The following MCRS1 variants were observed in gnomAD, a reference collection of about 807,000 sequenced individuals.
MCRS1 encodes the protein microspherule protein 1.
MCRS1 carries 22 observed loss-of-function variants against 62.9 expected under a neutral mutation model. That is an observed-to-expected ratio of 0.35 (90% CI 0.25 to 0.50). The LOEUF is 0.50. MCRS1 is among the 20% of genes least tolerant of loss of function. The pLI is 0.98. For missense variants in MCRS1, 456 were observed against 601.1 expected (o/e 0.76, Z 2.52); for synonymous variants, 244 against 233.5 (o/e 1.04, Z -0.41).
At position 49,563,037 on chromosome 12, in the gene MCRS1, G is replaced by C; in HGVS notation, c.769C>G (p.Leu257Val). 3.8e-6 allele frequency: 6 copies of C among 1,590,020 alleles called. No homozygotes were observed. Among genetic ancestry groups the C allele is most frequent in the Non-Finnish European group, 5.1e-6 (6 of 1,166,190 alleles). The change falls in exon 8 of 15, where the codon CTC (leucine) becomes GTC (valine). Residue 257 changes from leucine to valine, a missense_variant. By Grantham distance (32) the Leu-to-Val change is conservative. Transcript: ENST00000343810. ...TAKALQAHWQLMKQYYLLEDQ... is the reference protein window; with the variant it reads ...TAKALQAHWQVMKQYYLLEDQ... ...TCCAGCAGGTAATACTGCTTCATGA[G>C]CTGCCAGTGGGCCTGCAGGGCCTTC... is the stretch of plus-strand genomic sequence containing the variant.
In MCRS1 at chr12:49,566,164, C is replaced by T. The variant is rs370815960; in HGVS notation, c.62G>A (p.Arg21His). Residue 21 changes from arginine to histidine, a missense_variant, in exon 3 of 15, where the codon CGC becomes CAC. Arg to His is a conservative substitution (Grantham distance 29). This residue lies in a region of MCRS1 where 55 missense variants were observed against 49.3 expected (regional missense o/e 1.12). Transcript: ENST00000343810. Reference sequence around the variant, plus strand: ...TGCCAGTGACTCCTCATCCTCTGAGCGGCTGGCAGTGCCTGATGCCATCAG... The same window carrying T: ...TGCCAGTGACTCCTCATCCTCTGAGTGGCTGGCAGTGCCTGATGCCATCAG... ...SSLMASGTAS[R>H]SEDEESLAGQ... 8.7e-6 allele frequency: 14 copies of T among 1,614,156 alleles called. No individual in the cohort carries two copies. The highest frequency in any genetic ancestry group is 5.0e-5 in the Admixed American group (3 of 60,032).
rs1938650809 is a variant in MCRS1 at position 49,559,665 on chromosome 12, C to A, written c.1003+64G>T. ...GAGGGTCTCCCCAGCCAGGCAGCAA[C>A]AGGGGCACAGGCTGGGGCGAAGGAT... On this transcript the variant is annotated intron_variant, in intron 11 of 14. Coordinates refer to ENST00000343810, the MANE Select transcript of MCRS1 (RefSeq NM_006337.5). This position sits in a 1 kb window ranked among gnomAD's most constrained non-coding sequence, Gnocchi z 5.2. 6.2e-7 allele frequency: 1 copy of A among 1,601,010 alleles called. No individual in the cohort carries two copies. The highest frequency in any genetic ancestry group is 1.1e-5 in the South Asian group (1 of 90,618).
chr12:49,565,331 G>T (rs1273385705), intron 4 of MCRS1, 198 bp downstream of exon 4: 1 of 985,280 alleles, frequency 1.0e-6, no homozygotes, highest in East Asian at 1.1e-4. Flanking sequence ...CAATGGCAGG[G>T]TTGGGGGTGG....
chr12:49,562,998 T>TA lies in MCRS1; in HGVS notation c.805+2dup. ...CCCATTCTGCCAGCTCCTGGGGCGTTACCTGTCTGGTCCTCCAGCAGGTAA... is the reference window on the plus strand; with the variant it reads ...CCCATTCTGCCAGCTCCTGGGGCGTTAACCTGTCTGGTCCTCCAGCAGGTAA... On this transcript the variant is annotated splice_region_variant and intron_variant, in intron 8 of 14. Transcript: ENST00000343810. 1 of 1,600,832 alleles carries TA rather than the reference T, an allele frequency of 6.2e-7. No individual in the cohort carries two copies. Among genetic ancestry groups the TA allele is most frequent in the Non-Finnish European group, 8.5e-7 (1 of 1,172,962 alleles).
chr12:49,563,617 C>T (rs1369221409), intron 6 of MCRS1, 71 bp from the exon 7 acceptor site: 8 of 1,164,562 alleles, frequency 6.9e-6, no homozygotes, highest in East Asian at 2.5e-5. Context: ...CCTACTATTT[C>T]CCCCAAACCT....
intron 8 of MCRS1, among the ~76,000 whole-genome samples, chr12:49,561,176 G>A (rs1413420469): frequency 4.6e-5 from 7 of 152,128 alleles, no homozygotes; most frequent in Non-Finnish European, 1.0e-4. Context: ...TGGGCAACAG[G>A]GAAAGACCCT....
chr12:49,565,727 C>T, intron 3 of MCRS1, 60 bp from the exon 4 acceptor site: 1 of 1,611,378 alleles, frequency 6.2e-7, no homozygotes, highest in Middle Eastern at 1.7e-4. Context: ...ATTCACACAC[C>T]CCCAGCCCCC....
intron 2 of MCRS1, 163 bp from the exon 3 acceptor site, chr12:49,566,378 T>C: frequency 6.4e-7 from 1 of 1,562,564 alleles, no homozygotes; most frequent in Non-Finnish European, 8.7e-7. Context: ...CCAGATCCCA[T>C]CTGGGCTCAG....
intron 5 of MCRS1, 52 bp downstream of exon 5, chr12:49,564,685 G>C (rs371399995): frequency 2.2e-5 from 36 of 1,602,208 alleles, no homozygotes; most frequent in Non-Finnish European, 3.0e-5. Context: ...TTTGGGGTGC[G>C]AACTGGAGGT....
rs1348207277 is a variant in MCRS1, at chr12:49,558,635, A to G, written c.*8T>C. 1 of 1,611,978 alleles carries G rather than the reference A, an allele frequency of 6.2e-7. No homozygotes were observed. The highest frequency in any genetic ancestry group is 8.5e-7 in the Non-Finnish European group (1 of 1,179,550). On this transcript the variant is annotated 3_prime_UTR_variant, in exon 15 of 15. Coordinates refer to ENST00000343810, the MANE Select transcript of MCRS1 (RefSeq NM_006337.5). Reference sequence around the variant, plus strand: ...CCGGAGAGGGCCCACGAGTCCTGCCACCACTCCTCACTGTGGTGTGATCTT... The same window carrying G: ...CCGGAGAGGGCCCACGAGTCCTGCCGCCACTCCTCACTGTGGTGTGATCTT...
intron 4 of MCRS1, chr12:49,565,193 G>A (rs1042646037): frequency 6.9e-5 from 68 of 985,436 alleles, no homozygotes; most frequent in Middle Eastern, 5.2e-4. Flanking sequence ...TCTTGCTGGT[G>A]CAGTGTCTAG....
chr12:49,565,998 C>G, intron 3 of MCRS1, 79 bp downstream of exon 3: 2 of 1,539,456 alleles, frequency 1.3e-6, no homozygotes, highest in Non-Finnish European at 8.8e-7. Flanking sequence ...CCATTCCCAA[C>G]AGATGGGGAG....
chr12:49,565,361 G>A (rs1939000886), intron 4 of MCRS1, 168 bp downstream of exon 4: 3 of 985,386 alleles, frequency 3.0e-6, no homozygotes, highest in South Asian at 9.4e-5. Context: ...CAAGAAATGG[G>A]GAGTAGGGAG....
chr12:49,565,126 T>G (rs1262017034), intron 4 of MCRS1: 1 of 985,318 alleles, frequency 1.0e-6, no homozygotes. Flanking sequence ...TTCTCTTTGC[T>G]GGCAGTATCC....
rs375912255 is a variant in MCRS1, at chr12:49,559,577, C to T, written c.1004-42G>A. The T allele has an allele frequency of 9.3e-6, 15 of 1,604,454 alleles. No individual in the cohort carries two copies. In the African/African-American group the frequency reaches 2.0e-4, roughly 21 times the overall value. ...TTTGGAAGAGCCTACCCCTGAGGGC[C>T]AGAATGCAAGGCAGGGAACCAGGGC... is the stretch of plus-strand genomic sequence containing the variant. On this transcript the variant is annotated intron_variant, in intron 11 of 14. Transcript: ENST00000343810. This position sits in a 1 kb window ranked among gnomAD's most constrained non-coding sequence, Gnocchi z 5.2.
chr12:49,562,349 T>A (rs796352886), intron 8 of MCRS1, among the ~76,000 whole-genome samples: 10 of 152,352 alleles, frequency 6.6e-5, no homozygotes, highest in East Asian at 3.9e-4. Context: ...TTAATCACAC[T>A]GTTTTCTTAC....
intron 4 of MCRS1, chr12:49,565,285 G>A (rs1311369207): frequency 3.0e-6 from 3 of 985,272 alleles, no homozygotes; most frequent in Admixed American, 6.2e-5. Flanking sequence ...ATAGATGCAT[G>A]CTCCATGCCT....
At chr12:49,561,627 T>G in intron 8 of MCRS1, among the ~76,000 whole-genome samples, 1 of 151,998 alleles carries the variant, frequency 6.6e-6, no homozygotes, top group East Asian at 1.9e-4. Flanking sequence ...AAAATAACTT[T>G]CTTTTCTTTT....
chr12:49,566,328 CCTT>C lies in MCRS1; in HGVS notation c.11-116_11-114del. 3 of 1,561,484 alleles carry C rather than the reference CCTT, an allele frequency of 1.9e-6. No homozygotes were observed. The South Asian group carries it at 3.5e-5, about 18-fold the overall frequency. On this transcript the variant is annotated intron_variant, in intron 2 of 14. Transcript: ENST00000343810. ...AGCCCTCTTGGCCCCTCCCCTGCCT[CCTT>C]GACACTTGAGGTTTTAAGGTAGAGT...
Sources: gnomAD v4.1 joint callset for allele counts (sites outside exome capture counted in the v4.1 genomes callset) on GRCh38, gnomAD v4.1.1 for gene constraint, gnomAD v4.1.1 regional missense constraint, Gnocchi (gnomAD v3.1) non-coding constraint, MANE v1.5 for transcripts, NCBI Gene and HGNC (gene_info 2026-07-23, HGNC 2026-07-21) for gene names.